MAZ: variants seen among roughly 807,000 people sequenced by gnomAD.
MAZ encodes the protein MYC associated zinc finger protein, also known as myc-associated zinc finger protein.
A neutral mutation model predicts 32.7 loss-of-function variants in MAZ; 4 were observed. The observed-to-expected ratio is 0.12, with a 90% CI of 0.06 to 0.28. The LOEUF is 0.28. Among genes scored for constraint, MAZ ranks in the 10% least tolerant of loss-of-function variants. MAZ has a pLI of 1.00. For missense variants in MAZ, 763 were observed against 667.2 expected, an observed-to-expected ratio of 1.14 and a Z score of -1.58; for synonymous variants, 510 against 297.6, an observed-to-expected ratio of 1.71 and a Z score of -7.35.
At position 29,808,381 on chromosome 16, in the gene MAZ, C is replaced by T. The variant is rs916687853; in HGVS notation, c.1107+88C>T. 1.2e-5 allele frequency: 16 copies of T among 1,360,882 alleles called. No individual in the cohort carries two copies. The African/African-American group carries it at 1.6e-4, about 13-fold the overall frequency. 84.3% of individuals were successfully genotyped at this position (1,360,882 alleles called of 1,614,324 possible). ...AGTCAGTCTCTCAGACCCCCTTTTT[C>T]TCTCTCTTCTTTTTGCCTTTTTGCT... On this transcript the variant is annotated intron_variant, in intron 3 of 4. Transcript: ENST00000322945.
chr16:29,809,376 G>T (rs1039276578), intron 4 of MAZ: 34 of 609,054 alleles, frequency 5.6e-5, no homozygotes, highest in Admixed American at 4.7e-4. Flanking sequence ...GGGAGGGGCT[G>T]TGTCTACCAG....
At chr16:29,809,349 GCCAGGCC>G in intron 4 of MAZ, 2 of 591,294 alleles carry the variant, frequency 3.4e-6, no homozygotes, top group Non-Finnish European at 6.0e-6. Flanking sequence ...CACCACACAA[GCCAGGCC>G]CCAGGCTCAG....
At position 29,808,610 on chromosome 16, in the gene MAZ, C is replaced by G; in HGVS notation, c.1148C>G (p.Ala383Gly). Residue 383 changes from alanine to glycine, a missense_variant, in exon 4 of 5, where the codon GCG (alanine) becomes GGG (glycine). Coordinates refer to ENST00000322945, the MANE Select transcript of MAZ (RefSeq NM_002383.4). ...TTCGCCACGAAGGATCGGCTGCGGG[C>G]GCACACAGTACGACACGAGGAGAAA... ...AAFATKDRLR[A>G]HTVRHEEKVP... is the part of the protein sequence containing the mutation. 1.9e-6 allele frequency: 3 copies of G among 1,613,236 alleles called. No individual in the cohort carries two copies. Among genetic ancestry groups the G allele is most frequent in the Non-Finnish European group, 2.5e-6 (3 of 1,179,834 alleles).
Position 29,810,611 on chromosome 16 carries a change from T to C in MAZ, c.*380T>C. 2 of 640,882 alleles carry C rather than the reference T, an allele frequency of 3.1e-6. No homozygotes were observed. Among genetic ancestry groups the C allele is most frequent in the Admixed American group, 2.3e-5 (1 of 42,798 alleles). 39.7% of individuals were successfully genotyped at this position (640,882 alleles called of 1,614,324 possible). A position where few individuals can be genotyped will look rare whatever the true frequency, so the allele number is the denominator to read the frequency against. On this transcript the variant is annotated 3_prime_UTR_variant, in exon 5 of 5. Coordinates refer to ENST00000322945, the MANE Select transcript of MAZ (RefSeq NM_002383.4). ...CGGTCCTCTTCTCTCCTTCCAGTCCTCTCCCCCTGCTGTCTGCAGCCCCTC... is the reference window on the plus strand; with the variant it reads ...CGGTCCTCTTCTCTCCTTCCAGTCCCCTCCCCCTGCTGTCTGCAGCCCCTC...
In MAZ at chr16:29,810,390, G is replaced by GT. The variant is rs1231757491; in HGVS notation, c.*163dup. ...ATGTTTTCTTAGGGGAATTCGCTAG[G>GT]TTTTAACGATTTGTTTCTCCTGCTC... is the stretch of plus-strand genomic sequence containing the variant. On this transcript the variant is annotated 3_prime_UTR_variant, in exon 5 of 5. Coordinates refer to ENST00000322945, the MANE Select transcript of MAZ (RefSeq NM_002383.4). 3 of 815,824 alleles carry GT rather than the reference G, an allele frequency of 3.7e-6. No homozygotes were observed. Among genetic ancestry groups the GT allele is most frequent in the Non-Finnish European group, 6.1e-6 (3 of 488,134 alleles). 50.5% of individuals were successfully genotyped at this position (815,824 alleles called of 1,614,324 possible). A position where few individuals can be genotyped will look rare whatever the true frequency, so the allele number is the denominator to read the frequency against.
chr16:29,807,921 T>TG, intron 2 of MAZ, 93 bp downstream of exon 2: 1 of 1,528,280 alleles, frequency 6.5e-7, no homozygotes, highest in East Asian at 2.3e-5. Context: ...GGGAGGCGGC[T>TG]GCTGAGGCTG....
Position 29,807,576 on chromosome 16 carries a change from G to C in MAZ, c.791G>C (p.Gly264Ala), listed in dbSNP as rs1281869374. The change falls in exon 2 of 5, where the codon GGC becomes GCC. Residue 264 changes from glycine to alanine, a missense_variant. Transcript: ENST00000322945. ...GGCGCTGCCGCAGTGGCCGCCGGTG[G>C]CGTGGTGACCACGACCGCCTCGGGG... The part of the protein sequence containing the change: ...GGGAAAVAAG[G>A]VVTTTASGKR... 6.2e-7 allele frequency: 1 copy of C among 1,609,410 alleles called. No individual in the cohort carries two copies. Among genetic ancestry groups the C allele is most frequent in the Admixed American group, 1.7e-5 (1 of 59,814 alleles).
Position 29,807,272 on chromosome 16 carries a change from G to T in MAZ, c.487G>T (p.Ala163Ser). Residue 163 changes from alanine (A) to serine (S), a missense_variant, in exon 2 of 5, where the codon GCC becomes TCC. Transcript: ENST00000322945. ...AATIAAAAATAVVAPTSTVAV... is the reference protein window; with the variant it reads ...AATIAAAAATSVVAPTSTVAV... ...CACTATCGCCGCGGCGGCGGCCACCGCCGTCGTAGCCCCAACCTCGACGGT... is the reference window on the plus strand; with the variant it reads ...CACTATCGCCGCGGCGGCGGCCACCTCCGTCGTAGCCCCAACCTCGACGGT... 1 of 1,463,194 alleles carries T rather than the reference G, an allele frequency of 6.8e-7. No homozygotes were observed. Among genetic ancestry groups the T allele is most frequent in the Non-Finnish European group, 9.0e-7 (1 of 1,106,466 alleles). The allele number at this position is 1,463,194 out of a possible 1,614,324, so 90.6% of individuals were successfully genotyped here.
upstream of MAZ, among the ~76,000 whole-genome samples, chr16:29,806,338 C>G (rs1352345322): frequency 4.3e-5 from 4 of 93,368 alleles, no homozygotes; most frequent in African/African-American, 1.7e-4. Flanking sequence ...GCCGGCTGGG[C>G]GCGCGCGCGG....
At position 29,811,141 on chromosome 16, in the gene MAZ, C is replaced by CAATA; in HGVS notation, c.*914_*917dup. On this transcript the variant is annotated 3_prime_UTR_variant, in exon 5 of 5. Coordinates refer to ENST00000322945, the MANE Select transcript of MAZ (RefSeq NM_002383.4). ...CCTTCCTTTTGCGCGGACCCCATTACAATAAATTTTAAATAAAATCCTGTT... is the reference window on the plus strand; with the variant it reads ...CCTTCCTTTTGCGCGGACCCCATTACAATAAATAAATTTTAAATAAAATCCTGTT... 2.3e-6 allele frequency: 1 copy of CAATA among 432,098 alleles called. No individual in the cohort carries two copies. The highest frequency in any genetic ancestry group is 4.6e-6 in the Non-Finnish European group (1 of 216,568). The allele number at this position is 432,098 out of a possible 1,614,324, so 26.8% of individuals were successfully genotyped here.
At chr16:29,809,952 T>C in intron 4 of MAZ, 125 bp from the exon 5 acceptor site, 1 of 1,470,462 alleles carries the variant, frequency 6.8e-7, no homozygotes, top group South Asian at 1.3e-5. Flanking sequence ...CTGAGGCCTC[T>C]GGGGTCCAGA....
chr16:29,806,176 TC>T, upstream of MAZ: 1 of 1,059,574 alleles, frequency 9.4e-7, no homozygotes, highest in Non-Finnish European at 1.2e-6. Flanking sequence ...AGCTTCATCT[TC>T]CAGGTAACAA....
rs900672278 is a variant in MAZ at position 29,806,976 on chromosome 16, A to AGGCCGCGCCGGC, written c.193_204dup. The AGGCCGCGCCGGC allele has an allele frequency of 9.7e-7, 1 of 1,028,980 alleles. No individual in the cohort carries two copies. The highest frequency in any genetic ancestry group is 1.8e-5 in the African/African-American group (1 of 56,238). The allele number at this position is 1,028,980 out of a possible 1,614,324, so 63.7% of individuals were successfully genotyped here. ...GGCCCACTCGGCGCCTTGTCTCCGCAGGCCGCGCCGGCGCCCCCGCCCACG... is the reference window on the plus strand; with the variant it reads ...GGCCCACTCGGCGCCTTGTCTCCGCAGGCCGCGCCGGCGGCCGCGCCGGCGCCCCCGCCCACG... On this transcript the variant is annotated splice_acceptor_variant, in intron 1 of 4. Transcript: ENST00000322945. LOFTEE classifies it high-confidence loss of function.
At chr16:29,809,069 C>G in intron 4 of MAZ, 1 of 530,716 alleles carries the variant, frequency 1.9e-6, no homozygotes, top group Non-Finnish European at 3.3e-6. Context: ...TGCGCAGCCA[C>G]AAGGTCTTGT....
At chr16:29,808,932 G>A (rs1025765744) in intron 4 of MAZ, 191 bp downstream of exon 4, 7 of 599,424 alleles carry the variant, frequency 1.2e-5, no homozygotes, top group South Asian at 6.2e-5. Context: ...CTGGTTGGAA[G>A]AGATGATCTG....
upstream of MAZ, chr16:29,806,473 ACCCAGGGGGCGTCGCCGCCG>A (rs1766343765): frequency 1.7e-5 from 2 of 118,170 alleles, no homozygotes; most frequent in Non-Finnish European, 2.8e-5. Flanking sequence ...TCCCGCCCCC[ACCCAGGGGGCGTCGCCGCCG>A]CCGTCGCCGC....
At chr16:29,808,158 G>A in intron 2 of MAZ, 72 bp from the exon 3 acceptor site, 9 of 1,335,816 alleles carry the variant, frequency 6.7e-6, no homozygotes, top group Non-Finnish European at 9.7e-6. Context: ...TCCTCGGAAA[G>A]GCCTGTGGTG....
chr16:29,807,920 C>CGGGGAGGGAGGCCG, intron 2 of MAZ, 92 bp downstream of exon 2: 1 of 1,528,406 alleles, frequency 6.5e-7, no homozygotes, highest in East Asian at 2.3e-5. Flanking sequence ...AGGGAGGCGG[C>CGGGGAGGGAGGCCG]TGCTGAGGCT....
intron 4 of MAZ, chr16:29,809,842 C>A (rs1042401495): frequency 4.1e-6 from 4 of 970,434 alleles, no homozygotes; most frequent in African/African-American, 1.6e-5. Flanking sequence ...AATAGGGGAT[C>A]TCAGGAAGGC....
Sources: gnomAD v4.1 joint callset for allele counts (sites outside exome capture counted in the v4.1 genomes callset) on GRCh38, gnomAD v4.1.1 for gene constraint, MANE v1.5 for transcripts, NCBI Gene and HGNC (gene_info 2026-07-23, HGNC 2026-07-21) for gene names.